The following ZBTB46 variants were observed in gnomAD, a reference collection of about 807,000 sequenced individuals.
ZBTB46 encodes zinc finger and BTB domain-containing protein 46.
A neutral mutation model predicts 44.1 loss-of-function variants in ZBTB46; 8 were observed. The observed-to-expected ratio is 0.18, with a 90% CI of 0.11 to 0.33. The LOEUF (loss-of-function observed/expected upper bound fraction) is 0.33, where lower values mean the gene tolerates loss of function less well. ZBTB46 is among the 10% of genes least tolerant of loss of function. The probability of loss-of-function intolerance (pLI) is 1.00; values close to 1 mark genes in which losing one functional copy is unlikely to be tolerated. For missense variants in ZBTB46, 651 were observed against 847.7 expected (o/e 0.77, Z 2.88); for synonymous variants, 409 against 382.3 (o/e 1.07, Z -0.81).
intron 1 of ZBTB46, among the ~76,000 whole-genome samples, chr20:63,807,485 C>T (rs2092689022): frequency 6.6e-6 from 1 of 152,178 alleles, no homozygotes; most frequent in African/African-American, 2.4e-5. Flanking sequence ...TCTCGGACTA[C>T]AGGCGCACGC....
chr20:63,823,119 A>G (rs4809234), intron 1 of ZBTB46, among the ~76,000 whole-genome samples: 27,241 of 151,828 alleles, frequency 0.18, 2,964 homozygotes, highest in East Asian at 0.46. Context: ...AGTGAGCCAA[A>G]ACTGCACCAC....
At position 63,746,568 on chromosome 20, in the gene ZBTB46, C is replaced by T. The variant is rs745866721; in HGVS notation, c.*362G>A. ...GGCCTCTGGGCCGAACACACCACCC[C>T]GCCCAGTGCCCACTGGACCCGGCCA... On this transcript the variant is annotated 3_prime_UTR_variant, in exon 5 of 5. Coordinates refer to ENST00000245663, the MANE Select transcript of ZBTB46 (RefSeq NM_001369741.1). 9 of 242,234 alleles carry T rather than the reference C, an allele frequency of 3.7e-5. No individual in the cohort carries two copies. Among genetic ancestry groups the T allele is most frequent in the Middle Eastern group, 1.3e-3 (1 of 798 alleles). 15.0% of individuals were successfully genotyped at this position (242,234 alleles called of 1,614,324 possible).
chr20:63,753,668 C>T (rs2092192818), intron 3 of ZBTB46, among the ~76,000 whole-genome samples: 1 of 152,260 alleles, frequency 6.6e-6, no homozygotes, highest in Non-Finnish European at 1.5e-5. Flanking sequence ...GTGCCGAGGG[C>T]TGCTCACCCT....
At chr20:63,762,771 TTGAG>T (rs1418134585) in intron 3 of ZBTB46, among the ~76,000 whole-genome samples, 1 of 152,234 alleles carries the variant, frequency 6.6e-6, no homozygotes, top group African/African-American at 2.4e-5. Flanking sequence ...CCAGTCCCTC[TTGAG>T]TAATACTTCT....
rs2092334450 is a variant in ZBTB46 at position 63,767,938 on chromosome 20, A to G, written c.1222+7740T>C. 10 of 985,458 alleles carry G rather than the reference A, an allele frequency of 1.0e-5. No homozygotes were observed. Among genetic ancestry groups the G allele is most frequent in the Non-Finnish European group, 1.2e-5 (10 of 829,930 alleles). The allele number at this position is 985,458 out of a possible 1,614,324, so 61.0% of individuals were successfully genotyped here. ...CATGCCAGCGGGAGCCAACTCTGGA[A>G]GAGGACTGCTCCGCCCAGCTCTCCA... is the stretch of plus-strand genomic sequence containing the variant. On this transcript the variant is annotated intron_variant, in intron 3 of 4. Transcript: ENST00000245663. This position sits in a 1 kb window ranked among gnomAD's most constrained non-coding sequence, Gnocchi z 5.0.
At chr20:63,832,979 C>T (rs899440610), upstream of ZBTB46, among the ~76,000 whole-genome samples, 14 of 152,146 alleles carry the variant, frequency 9.2e-5, no homozygotes, top group Non-Finnish European at 2.1e-4. The surrounding 1 kb of genome is among the most constrained non-coding windows in gnomAD (Gnocchi z 5.0). Flanking sequence ...GCCCACCGAG[C>T]CAAAGCAAGG....
chr20:63,791,065 C>T (rs945992878), intron 1 of ZBTB46: 17 of 343,662 alleles, frequency 4.9e-5, no homozygotes, highest in Middle Eastern at 7.9e-4. Context: ...ATCCCACATA[C>T]GGCAACTGGC....
rs2092523790 is a variant in ZBTB46 at position 63,787,269 on chromosome 20, ATC to A, written c.937+2550_937+2551del. Among the ~76,000 whole-genome samples the A allele has an allele frequency of 1.3e-5, 2 of 152,060 alleles. No individual in the cohort carries two copies. Among genetic ancestry groups the A allele is most frequent in the African/African-American group, 2.4e-5 (1 of 41,406 alleles). On this transcript the variant is annotated intron_variant, in intron 2 of 4. Transcript: ENST00000245663. This position sits in a 1 kb window ranked among gnomAD's most constrained non-coding sequence, Gnocchi z 4.6. ...ACCTGGTGGCGTGACAGGAATAGCC[ATC>A]GCCATCCTAGCCATCGCCATCCTAG...
intron 3 of ZBTB46, among the ~76,000 whole-genome samples, chr20:63,761,123 C>T (rs747863700): frequency 2.0e-5 from 3 of 149,492 alleles, no homozygotes; most frequent in African/African-American, 4.9e-5. Context: ...CTCAGCCTCC[C>T]GAGTAGCTGG....
chr20:63,767,817 G>A lies in ZBTB46; in HGVS notation c.1222+7861C>T. On this transcript the variant is annotated intron_variant, in intron 3 of 4. Coordinates refer to ENST00000245663, the MANE Select transcript of ZBTB46 (RefSeq NM_001369741.1). This position sits in a 1 kb window ranked among gnomAD's most constrained non-coding sequence, Gnocchi z 5.0. ...ACTGGCTGCCCCCAGGGCTGGGCAAGTCCATCCAGGGCTGGGCAAGTCCAT... is the reference window on the plus strand; with the variant it reads ...ACTGGCTGCCCCCAGGGCTGGGCAAATCCATCCAGGGCTGGGCAAGTCCAT... 1 of 948,432 alleles carries A rather than the reference G, an allele frequency of 1.1e-6. No individual in the cohort carries two copies. The highest frequency in any genetic ancestry group is 1.3e-6 in the Non-Finnish European group (1 of 797,168). The allele number at this position is 948,432 out of a possible 1,614,324, so 58.8% of individuals were successfully genotyped here.
intron 3 of ZBTB46, among the ~76,000 whole-genome samples, chr20:63,772,763 A>C (rs998250798): frequency 1.2e-3 from 14 of 11,800 alleles, no homozygotes; most frequent in South Asian, 3.3e-3. Context: ...ACACACACAC[A>C]CACAGAAGTG....
rs754927745 is a variant in ZBTB46, at chr20:63,752,848, C to G, written c.1236G>C (p.Thr412=). The G allele has an allele frequency of 2.5e-6, 4 of 1,605,592 alleles. No homozygotes were observed. The highest frequency in any genetic ancestry group is 3.4e-6 in the Non-Finnish European group (4 of 1,174,238). The change falls in exon 4 of 5, where the codon ACG becomes ACC. Residue 412 remains threonine (T), a synonymous_variant. Coordinates refer to ENST00000245663, the MANE Select transcript of ZBTB46 (RefSeq NM_001369741.1). This position sits in a 1 kb window ranked among gnomAD's most constrained non-coding sequence, Gnocchi z 5.6. ...GAHSLSLNEF[T]VIRKKFKCPY... ...GACACTTGAACTTCTTCCTGATCAC[C>G]GTGAACTCATTCACTGAAAGAGAGG...
chr20:63,757,003 G>C (rs1362002225), intron 3 of ZBTB46, among the ~76,000 whole-genome samples: 1 of 152,106 alleles, frequency 6.6e-6, no homozygotes, highest in Non-Finnish European at 1.5e-5. Context: ...GGCGGGGAAG[G>C]GGGGCTTCTG....
chr20:63,770,246 A>C lies in ZBTB46; in HGVS notation c.1222+5432T>G, dbSNP rs1287126927. Among the ~76,000 whole-genome samples the C allele has an allele frequency of 5.3e-5, 8 of 152,278 alleles. No homozygotes were observed. The East Asian group carries it at 1.5e-3, about 29-fold the overall frequency. ...GAGACACGAAGGCAGCACACACCTCAAGGCCCCAGGAGATCAGCGCCAGCC... is the reference window on the plus strand; with the variant it reads ...GAGACACGAAGGCAGCACACACCTCCAGGCCCCAGGAGATCAGCGCCAGCC... On this transcript the variant is annotated intron_variant, in intron 3 of 4. Coordinates refer to ENST00000245663, the MANE Select transcript of ZBTB46 (RefSeq NM_001369741.1).
At chr20:63,820,431 T>TTATA (rs59953663) in intron 1 of ZBTB46, among the ~76,000 whole-genome samples, 5 of 150,258 alleles carry the variant, frequency 3.3e-5, no homozygotes, top group East Asian at 2.0e-4. Flanking sequence ...AAGAAGTATA[T>TTATA]TATATATATA....
chr20:63,826,952 C>T (rs983494382), intron 1 of ZBTB46, among the ~76,000 whole-genome samples: 3 of 152,176 alleles, frequency 2.0e-5, no homozygotes, highest in Non-Finnish European at 4.4e-5. Flanking sequence ...GAATATGACT[C>T]GCTCCACCAG....
chr20:63,750,812 A>G (rs1013044361), intron 4 of ZBTB46, among the ~76,000 whole-genome samples: 1 of 151,984 alleles, frequency 6.6e-6, no homozygotes, highest in African/African-American at 2.4e-5. Flanking sequence ...CTGAGGTGGG[A>G]GGATCGCTTG....
At chr20:63,818,096 C>T (rs6011152) in intron 1 of ZBTB46, among the ~76,000 whole-genome samples, 28,007 of 152,238 alleles carry the variant, frequency 0.18, 3,181 homozygotes, top group East Asian at 0.45. Context: ...TCACCCAGGA[C>T]TCACATGGTC....
chr20:63,817,105 CA>C (rs755836932), intron 1 of ZBTB46, among the ~76,000 whole-genome samples: 389 of 128,260 alleles, frequency 3.0e-3, no homozygotes, highest in African/African-American at 0.011. Flanking sequence ...AACTCAGTCT[CA>C]AAAAAAAAAA....
Sources: allele counts gnomAD v4.1 joint callset (sites outside exome capture counted in the v4.1 genomes callset), GRCh38; gene constraint gnomAD v4.1.1; non-coding constraint Gnocchi (gnomAD v3.1); transcripts MANE v1.5; gene names NCBI Gene and HGNC (gene_info 2026-07-23, HGNC 2026-07-21).